The following EPB41L2 variants were observed in gnomAD, a reference collection of about 807,000 sequenced individuals.
The protein encoded by EPB41L2 is erythrocyte membrane protein band 4.1 like 2.
A neutral mutation model predicts 113.0 loss-of-function variants in EPB41L2; 43 were observed. The ratio of observed to expected loss-of-function variants is 0.38; its 90% CI spans 0.30 to 0.49. The LOEUF is 0.49. Ranked by LOEUF, EPB41L2 falls within the 20% of genes least tolerant of loss-of-function variation. EPB41L2 has a pLI of 0.95. For synonymous variants in EPB41L2, 442 were observed against 436.7 expected, an observed-to-expected ratio of 1.01 and a Z score of -0.15; for missense variants, 1,147 against 1,223.4, an observed-to-expected ratio of 0.94 and a Z score of 0.93.
intron 1 of EPB41L2, among the ~76,000 whole-genome samples, chr6:130,984,930 G>T (rs1780193411): frequency 6.6e-6 from 1 of 152,166 alleles, no homozygotes; most frequent in African/African-American, 2.4e-5. Context: ...TAGGAAAAAG[G>T]GACAAGAACC....
At chr6:131,000,429 C>T (rs1051440043) in intron 1 of EPB41L2, among the ~76,000 whole-genome samples, 1 of 152,170 alleles carries the variant, frequency 6.6e-6, no homozygotes, top group Non-Finnish European at 1.5e-5. Context: ...AAGAAAAATA[C>T]AAGCTGTCTC....
intron 8 of EPB41L2, among the ~76,000 whole-genome samples, chr6:130,897,343 T>C (rs1354798934): frequency 6.6e-6 from 1 of 152,222 alleles, no homozygotes; most frequent in Non-Finnish European, 1.5e-5. Flanking sequence ...GCCACAAATA[T>C]CTTGCTTATC....
intron 18 of EPB41L2, 38 bp from the exon 19 acceptor site, chr6:130,858,281 G>A (rs1451178340): frequency 6.5e-7 from 1 of 1,530,602 alleles, no homozygotes. Context: ...GTGAGCTGGG[G>A]AACAGCCTCC....
intron 8 of EPB41L2, among the ~76,000 whole-genome samples, chr6:130,897,881 T>G (rs1795119652): frequency 6.6e-6 from 1 of 152,042 alleles, no homozygotes; most frequent in African/African-American, 2.4e-5. Context: ...ACATTCAAAC[T>G]TTAAATGAGA....
intron 14 of EPB41L2, among the ~76,000 whole-genome samples, chr6:130,871,285 A>G (rs1025791664): frequency 2.6e-5 from 4 of 152,210 alleles, no homozygotes; most frequent in Non-Finnish European, 5.9e-5. Flanking sequence ...TTACAATGAT[A>G]TAACTCAAGC....
intron 19 of EPB41L2, among the ~76,000 whole-genome samples, chr6:130,851,984 A>G (rs1379555331): frequency 6.6e-6 from 1 of 152,196 alleles, no homozygotes; most frequent in Non-Finnish European, 1.5e-5. Context: ...TCTCCTGCTC[A>G]GAAGCCTGTT....
chr6:131,056,854 T>C (rs993908670), intron 1 of EPB41L2, among the ~76,000 whole-genome samples: 2 of 152,164 alleles, frequency 1.3e-5, no homozygotes, highest in Non-Finnish European at 2.9e-5. Context: ...TTCCTTCTAA[T>C]CAATATTCCA....
chr6:131,057,756 G>A (rs1353065184), intron 1 of EPB41L2, among the ~76,000 whole-genome samples: 1 of 152,170 alleles, frequency 6.6e-6, no homozygotes, highest in African/African-American at 2.4e-5. Context: ...GAAGGTTGAT[G>A]GTGAGGCCCT....
At chr6:130,879,750 T>A (rs939698271) in intron 13 of EPB41L2, among the ~76,000 whole-genome samples, 2 of 152,190 alleles carry the variant, frequency 1.3e-5, no homozygotes, top group African/African-American at 4.8e-5. Flanking sequence ...AGTCACATGA[T>A]TTAATGCCAG....
rs542594049 is a variant in EPB41L2, at chr6:131,013,491, A to G, written c.-15+49664T>C. On this transcript the variant is annotated intron_variant, in intron 1 of 19. Transcript: ENST00000337057. ...ATACCATTTTCAAGGGGTTGAGATTAAAAATTCACTTTATAAAAGAAATTT... is the reference window on the plus strand; with the variant it reads ...ATACCATTTTCAAGGGGTTGAGATTGAAAATTCACTTTATAAAAGAAATTT... The G allele has an allele frequency of 3.3e-4, 50 of 152,308 alleles. 1 individual carries two copies. The highest frequency in any genetic ancestry group is 3.3e-3 in the Admixed American group (50 of 15,304). 9.4% of individuals were successfully genotyped at this position (152,308 alleles called of 1,614,324 possible).
chr6:130,967,088 A>T (rs1228134128), intron 1 of EPB41L2, among the ~76,000 whole-genome samples: 1 of 152,176 alleles, frequency 6.6e-6, no homozygotes, highest in Non-Finnish European at 1.5e-5. Flanking sequence ...ATTTAAAAAA[A>T]TACAGTTGTC....
rs3031750 is a variant in EPB41L2, at chr6:131,023,748, T to TATATATAGATATATAGATATATAG, written c.-15+39383_-15+39406dup. On this transcript the variant is annotated intron_variant, in intron 1 of 19. Coordinates refer to ENST00000337057, the MANE Select transcript of EPB41L2 (RefSeq NM_001431.4). ...GTGTGTGTATATATATCTATATATCTATATATAGATATATAGATATATAGA... is the reference window on the plus strand; with the variant it reads ...GTGTGTGTATATATATCTATATATCTATATATAGATATATAGATATATAGATATATAGATATATAGATATATAGA... 2.9e-5 allele frequency among the ~76,000 whole-genome samples: 3 copies of TATATATAGATATATAGATATATAG among 103,146 alleles called. No homozygotes were observed. The East Asian group carries it at 1.1e-3, about 37-fold the overall frequency. 67.7% of individuals were successfully genotyped at this position (103,146 alleles called of 152,430 possible).
At chr6:130,953,099 A>C (rs1815804991) in intron 3 of EPB41L2, among the ~76,000 whole-genome samples, 1 of 151,166 alleles carries the variant, frequency 6.6e-6, no homozygotes, top group Non-Finnish European at 1.5e-5. Flanking sequence ...TGAGCAAATG[A>C]CTTAAGGTCA....
At position 130,869,942 on chromosome 6, in the gene EPB41L2, C is replaced by A. The variant is rs375869610; in HGVS notation, c.2228G>T (p.Ser743Ile). ...TTCCTCCTCACTCTCACTGCTGCTG[C>A]TGCTGCTCTCAGAAGACAGGGAGGT... is the stretch of plus-strand genomic sequence containing the variant. Reference protein sequence around the residue: ...DSTSLSSESSSSSSESEEEDV... With the variant: ...DSTSLSSESSISSSESEEEDV... Residue 743 changes from serine to isoleucine, a missense_variant, in exon 15 of 20, where the codon AGC (serine) becomes ATC (isoleucine). Coordinates refer to ENST00000337057, the MANE Select transcript of EPB41L2 (RefSeq NM_001431.4). 8.7e-6 allele frequency: 14 copies of A among 1,613,336 alleles called. No individual in the cohort carries two copies. The South Asian group carries it at 9.9e-5, about 11-fold the overall frequency.
chr6:130,866,947 A>G (rs73632229), intron 16 of EPB41L2, among the ~76,000 whole-genome samples: 4,085 of 152,178 alleles, frequency 0.027, 201 homozygotes, highest in African/African-American at 0.092. Context: ...ACGAAGGAGA[A>G]GCACAGGTGT....
chr6:130,874,673 G>A (rs371091552), intron 14 of EPB41L2, among the ~76,000 whole-genome samples: 10 of 152,160 alleles, frequency 6.6e-5, no homozygotes, highest in African/African-American at 2.4e-4. Flanking sequence ...ATGTATTGGA[G>A]AGGAAAAGAA....
At chr6:130,888,439 TCTGCACTAA>T (rs1791743620) in intron 11 of EPB41L2, among the ~76,000 whole-genome samples, 1 of 152,244 alleles carries the variant, frequency 6.6e-6, no homozygotes, top group Non-Finnish European at 1.5e-5. Flanking sequence ...CCTGTAACCC[TCTGCACTAA>T]CTGCCCATAC....
chr6:130,857,350 CAA>C (rs915810678), intron 19 of EPB41L2, among the ~76,000 whole-genome samples: 2 of 152,098 alleles, frequency 1.3e-5, no homozygotes, highest in Non-Finnish European at 2.9e-5. Flanking sequence ...CATTTTTCTA[CAA>C]AAGTGTTTAA....
In EPB41L2 at chr6:130,869,737, T is replaced by C; in HGVS notation, c.2433A>G (p.Glu811=). 1.9e-6 allele frequency: 3 copies of C among 1,614,164 alleles called. No individual in the cohort carries two copies. The highest frequency in any genetic ancestry group is 2.5e-6 in the Non-Finnish European group (3 of 1,180,032). Residue 811 remains glutamate (E), a synonymous_variant, in exon 15 of 20, where the codon GAA becomes GAG. Transcript: ENST00000337057. ...TQAGASVITV[E]TVIQENVGAQ... is the part of the protein sequence containing the mutation. ...CACCTACATTTTCCTGGATCACTGTTTCTACTGTGATTACACTGGCACCTG... is the reference window on the plus strand; with the variant it reads ...CACCTACATTTTCCTGGATCACTGTCTCTACTGTGATTACACTGGCACCTG...
Sources: gnomAD v4.1 joint callset for allele counts (sites outside exome capture counted in the v4.1 genomes callset) on GRCh38, gnomAD v4.1.1 for gene constraint, MANE v1.5 for transcripts, NCBI Gene and HGNC (gene_info 2026-07-23, HGNC 2026-07-21) for gene names.